The following RRAS2 variants were observed in gnomAD, a reference collection of about 807,000 sequenced individuals.
RRAS2 encodes ras-related protein R-Ras2.
In RRAS2, 7 loss-of-function variants were observed where a neutral mutation model predicts 27.6. That is an observed-to-expected ratio of 0.25 (90% confidence interval 0.14 to 0.48). The LOEUF (loss-of-function observed/expected upper bound fraction) is 0.48. Ranked by LOEUF, RRAS2 falls within the 20% of genes least tolerant of loss-of-function variation. The pLI is 0.99. For missense variants in RRAS2, 178 were observed against 256.2 expected, an observed-to-expected ratio of 0.69 and a Z score of 2.08; for synonymous variants, 86 against 90.9, an observed-to-expected ratio of 0.95 and a Z score of 0.31.
chr11:14,333,772 T>C (rs12223333), intron 1 of RRAS2, among the ~76,000 whole-genome samples: 1 of 151,860 alleles, frequency 6.6e-6, no homozygotes. Context: ...GTTTCCCAAG[T>C]AGCTGCAACC....
At chr11:14,347,704 G>C (rs535111160) in intron 1 of RRAS2, among the ~76,000 whole-genome samples, 1 of 152,070 alleles carries the variant, frequency 6.6e-6, no homozygotes, top group Non-Finnish European at 1.5e-5. Flanking sequence ...TAGTGCCCGC[G>C]CTTTGGCAGG....
rs1232300444 is a variant in RRAS2, at chr11:14,278,482, C to T, written c.*855G>A. Reference sequence around the variant, plus strand: ...GAAAATAATGTATAAAAGTATATAGCAAAAACATTAATCATCTCTGACCCT... The same window carrying T: ...GAAAATAATGTATAAAAGTATATAGTAAAAACATTAATCATCTCTGACCCT... On this transcript the variant is annotated 3_prime_UTR_variant, in exon 6 of 6. Transcript: ENST00000256196. 1 of 152,118 alleles carries T rather than the reference C, an allele frequency of 6.6e-6. No individual in the cohort carries two copies. The highest frequency in any genetic ancestry group is 1.9e-4 in the East Asian group (1 of 5,198). The allele number at this position is 152,118 out of a possible 1,614,324, so 9.4% of individuals were successfully genotyped here. A position where few individuals can be genotyped will look rare whatever the true frequency, so the allele number is the denominator to read the frequency against.
At chr11:14,294,650 C>T in intron 3 of RRAS2, 71 bp from the exon 4 acceptor site, 1 of 1,439,136 alleles carries the variant, frequency 6.9e-7, no homozygotes, top group South Asian at 1.2e-5. Flanking sequence ...GTCTCATGCC[C>T]CAATTAGTAC....
chr11:14,347,149 C>T (rs1466345085), intron 1 of RRAS2, among the ~76,000 whole-genome samples: 1 of 152,074 alleles, frequency 6.6e-6, no homozygotes, highest in Non-Finnish European at 1.5e-5. Flanking sequence ...GACAACAGAG[C>T]AAGACCCTGT....
intron 1 of RRAS2, among the ~76,000 whole-genome samples, chr11:14,322,409 C>T (rs2133998329): frequency 6.6e-6 from 1 of 151,712 alleles, no homozygotes; most frequent in East Asian, 1.9e-4. Context: ...CACTGCACTC[C>T]AGCCTGGGTG....
At chr11:14,281,898 A>G (rs938984220) in intron 4 of RRAS2, among the ~76,000 whole-genome samples, 178 bp from the exon 5 acceptor site, 1 of 152,264 alleles carries the variant, frequency 6.6e-6, no homozygotes, top group Non-Finnish European at 1.5e-5. Flanking sequence ...AGAACAATGC[A>G]GAAGAACATA....
At chr11:14,308,237 T>A in intron 1 of RRAS2, 1 of 439,942 alleles carries the variant, frequency 2.3e-6, no homozygotes. Context: ...CTAGGAGATA[T>A]GGATGGAAGG....
At chr11:14,327,415 A>T (rs548468814) in intron 1 of RRAS2, among the ~76,000 whole-genome samples, 1 of 152,320 alleles carries the variant, frequency 6.6e-6, no homozygotes. Flanking sequence ...CTACTTACAC[A>T]TTGGGAGGAA....
At position 14,312,901 on chromosome 11, in the gene RRAS2, A is replaced by G. The variant is rs78598211; in HGVS notation, c.109-17046T>C. Among the ~76,000 whole-genome samples the G allele has an allele frequency of 2.4e-3, 368 of 152,272 alleles. 3 individuals carry two copies. The highest frequency in any genetic ancestry group is 8.5e-3 in the African/African-American group (355 of 41,562). On this transcript the variant is annotated intron_variant, in intron 1 of 5. Transcript: ENST00000256196. ...AAAGCAGCAGCAGCAAATGTTCTCA[A>G]CCAGAGATTCCCTCCAAACCACATG...
At chr11:14,293,415 C>A (rs1847466687) in intron 4 of RRAS2, among the ~76,000 whole-genome samples, 1 of 151,758 alleles carries the variant, frequency 6.6e-6, no homozygotes, top group Non-Finnish European at 1.5e-5. Context: ...GGGGTAGAGA[C>A]AAAAGACCTT....
At chr11:14,325,499 C>G (rs1037066141) in intron 1 of RRAS2, among the ~76,000 whole-genome samples, 9 of 152,064 alleles carry the variant, frequency 5.9e-5, no homozygotes, top group Non-Finnish European at 1.3e-4. Flanking sequence ...GGGGGTTTCA[C>G]CTTGTTAGCC....
Position 14,294,529 on chromosome 11 carries a change from C to A in RRAS2, c.350G>T (p.Arg117Leu). The change falls in exon 4 of 6, where the codon CGT becomes CTT. Residue 117 changes from arginine (R) to leucine (L), a missense_variant. By Grantham distance (102) the Arg-to-Leu change is moderately radical. Transcript: ENST00000256196. The part of the protein sequence containing the change: ...FQRQILRVKD[R>L]DEFPMILIGN... Reference sequence around the variant, plus strand: ...AATTAAAATCATTGGGAACTCATCACGATCCTTTACTCTGAGAATCTGTCT... The same window carrying A: ...AATTAAAATCATTGGGAACTCATCAAGATCCTTTACTCTGAGAATCTGTCT... 3 of 1,600,610 alleles carry A rather than the reference C, an allele frequency of 1.9e-6. No individual in the cohort carries two copies. The highest frequency in any genetic ancestry group is 2.6e-6 in the Non-Finnish European group (3 of 1,174,754).
chr11:14,324,265 A>C (rs1386025788), intron 1 of RRAS2, among the ~76,000 whole-genome samples: 1 of 150,566 alleles, frequency 6.6e-6, no homozygotes, highest in East Asian at 1.9e-4. Flanking sequence ...AATAAACAGC[A>C]AAAAAAAATA....
intron 1 of RRAS2, among the ~76,000 whole-genome samples, chr11:14,324,501 C>T (rs1320851032): frequency 6.6e-6 from 1 of 150,740 alleles, no homozygotes; most frequent in Non-Finnish European, 1.5e-5. Context: ...GTCAAGGTAT[C>T]AGTGCTCCCT....
At chr11:14,336,517 T>C (rs1421500914) in intron 1 of RRAS2, among the ~76,000 whole-genome samples, 1 of 151,208 alleles carries the variant, frequency 6.6e-6, no homozygotes, top group Non-Finnish European at 1.5e-5. Context: ...AGCAAAGAAA[T>C]GAAAGTCTCA....
At position 14,353,858 on chromosome 11, in the gene RRAS2, C is replaced by A. The variant is rs1164022026; in HGVS notation, c.108+4905G>T. Among the ~76,000 whole-genome samples, 4 of 152,132 alleles carry A rather than the reference C, an allele frequency of 2.6e-5. No individual in the cohort carries two copies. In the East Asian group the frequency reaches 5.8e-4, roughly 22 times the overall value. The stretch of plus-strand genomic sequence containing the variant: ...TGCCTGCAGGACCATTTCAACTGTT[C>A]CCCAAACAAGAAAACCTTTAGTATG... On this transcript the variant is annotated intron_variant, in intron 1 of 5. Transcript: ENST00000256196.
chr11:14,295,905 A>G (rs1554946549), intron 1 of RRAS2, 50 bp from the exon 2 acceptor site: 2 of 1,536,716 alleles, frequency 1.3e-6, no homozygotes, highest in Non-Finnish European at 1.8e-6. Flanking sequence ...CAGGCATGGT[A>G]GCTCACACCT....
intron 1 of RRAS2, among the ~76,000 whole-genome samples, chr11:14,302,662 A>G (rs1303950030): frequency 3.9e-5 from 6 of 152,190 alleles, no homozygotes; most frequent in East Asian, 1.9e-4. Context: ...GAAGCTCACA[A>G]AGTTGCCCCT....
chr11:14,278,410 A>G lies in RRAS2; in HGVS notation c.*927T>C, dbSNP rs1360593883. 4 of 152,268 alleles carry G rather than the reference A, an allele frequency of 2.6e-5. No individual in the cohort carries two copies. Among genetic ancestry groups the G allele is most frequent in the Admixed American group, 6.5e-5 (1 of 15,280 alleles). The allele number at this position is 152,268 out of a possible 1,614,324, so 9.4% of individuals were successfully genotyped here. ...TATACACAAGGTATGCTATGAAAGC[A>G]TATCTGCTTACAAACATATAAAAAT... On this transcript the variant is annotated 3_prime_UTR_variant, in exon 6 of 6. Coordinates refer to ENST00000256196, the MANE Select transcript of RRAS2 (RefSeq NM_012250.6).
Sources: gnomAD v4.1 joint callset for allele counts (sites outside exome capture counted in the v4.1 genomes callset) on GRCh38, gnomAD v4.1.1 for gene constraint, MANE v1.5 for transcripts, NCBI Gene and HGNC (gene_info 2026-07-23, HGNC 2026-07-21) for gene names.